The following NBAS variants were observed in gnomAD, a reference collection of about 807,000 sequenced individuals.
The protein encoded by NBAS is NBAS subunit of NRZ tethering complex.
Under a neutral mutation model 302.5 loss-of-function variants are expected in NBAS, and 219 were observed. The ratio of observed to expected loss-of-function variants is 0.72; its 90% CI spans 0.65 to 0.81. The LOEUF (loss-of-function observed/expected upper bound fraction) is 0.81. NBAS is among the 30% of genes least tolerant of loss of function. The pLI, the probability that NBAS is intolerant of heterozygous loss-of-function variation, is 0.00. For synonymous variants in NBAS, 1,118 were observed against 1,021.6 expected, an observed-to-expected ratio of 1.09 and a Z score of -1.80; for missense variants, 2,932 against 2,841.6, an observed-to-expected ratio of 1.03 and a Z score of -0.72.
At chr2:14,889,019 T>A in the NBAS span, among the ~76,000 whole-genome samples, 1 of 152,202 alleles carries the variant, frequency 6.6e-6, no homozygotes, top group Non-Finnish European at 1.5e-5. Context: ...TTTTTGACCT[T>A]TATTACTACT....
the NBAS span, among the ~76,000 whole-genome samples, chr2:14,822,759 A>C: frequency 6.6e-6 from 1 of 152,230 alleles, no homozygotes; most frequent in Non-Finnish European, 1.5e-5. Context: ...ACCTGTTATG[A>C]ATGTAAGATT....
At chr2:15,434,526 C>A (rs1338310230) in intron 21 of NBAS, among the ~76,000 whole-genome samples, 1 of 152,182 alleles carries the variant, frequency 6.6e-6, no homozygotes, top group Admixed American at 6.5e-5. Flanking sequence ...ATCAAAAAGT[C>A]TCCCAAATAA....
the NBAS span, among the ~76,000 whole-genome samples, chr2:14,883,800 T>A: frequency 1.3e-5 from 2 of 151,676 alleles, no homozygotes; most frequent in East Asian, 3.9e-4. Flanking sequence ...CAAAACCCCA[T>A]CTCTACAAAA....
At chr2:14,932,177 A>G in the NBAS span, among the ~76,000 whole-genome samples, 3 of 152,158 alleles carry the variant, frequency 2.0e-5, no homozygotes, top group Admixed American at 6.5e-5. Flanking sequence ...CCCTCATCCT[A>G]TTTTTATCCC....
chr2:15,125,040 C>G, the NBAS span, among the ~76,000 whole-genome samples: 2 of 152,142 alleles, frequency 1.3e-5, no homozygotes, highest in South Asian at 4.1e-4. Context: ...TGATAGATCT[C>G]CCAGCAGCTT....
At chr2:14,958,249 G>A in the NBAS span, among the ~76,000 whole-genome samples, 27 of 152,324 alleles carry the variant, frequency 1.8e-4, no homozygotes, top group Middle Eastern at 3.4e-3. Flanking sequence ...CAGGAGACCC[G>A]GGTCCTGGCC....
At chr2:15,381,882 T>C (rs929173199) in intron 29 of NBAS, among the ~76,000 whole-genome samples, 2 of 152,232 alleles carry the variant, frequency 1.3e-5, no homozygotes, top group African/African-American at 2.4e-5. Context: ...AAAATCGCCC[T>C]GAATTCAAAA....
chr2:15,013,878 A>G, the NBAS span, among the ~76,000 whole-genome samples: 36 of 152,098 alleles, frequency 2.4e-4, no homozygotes, highest in African/African-American at 8.2e-4. Flanking sequence ...CTATAGGAAA[A>G]TTGCTTCACC....
At chr2:15,051,797 T>C in the NBAS span, among the ~76,000 whole-genome samples, 11 of 152,344 alleles carry the variant, frequency 7.2e-5, no homozygotes, top group African/African-American at 2.6e-4. Flanking sequence ...GATTGATAGA[T>C]GGCAGGGACC....
At chr2:15,470,194 C>T (rs1679899102) in intron 16 of NBAS, among the ~76,000 whole-genome samples, 1 of 152,086 alleles carries the variant, frequency 6.6e-6, no homozygotes. Flanking sequence ...AAATCATCAA[C>T]ACAAAACATC....
intron 48 of NBAS, among the ~76,000 whole-genome samples, chr2:15,204,482 A>G (rs1308048849): frequency 6.6e-6 from 1 of 152,200 alleles, no homozygotes; most frequent in Admixed American, 6.5e-5. Context: ...AGGCTAGAAT[A>G]AACTCTGTGA....
chr2:14,781,200 G>A, the NBAS span, among the ~76,000 whole-genome samples: 1 of 152,190 alleles, frequency 6.6e-6, no homozygotes, highest in East Asian at 1.9e-4. Flanking sequence ...GGTATTCCAT[G>A]AGATTTCCAT....
the NBAS span, among the ~76,000 whole-genome samples, chr2:15,087,944 C>T: frequency 1.3e-5 from 2 of 152,108 alleles, no homozygotes; most frequent in African/African-American, 4.8e-5. Context: ...ACAAAACACG[C>T]GGAGAGTGAA....
chr2:14,884,372 G>A, the NBAS span, among the ~76,000 whole-genome samples: 2 of 152,116 alleles, frequency 1.3e-5, no homozygotes, highest in African/African-American at 4.8e-5. Context: ...GTAGAGAGAG[G>A]AGCTAATTCA....
At chr2:14,866,705 A>C in the NBAS span, among the ~76,000 whole-genome samples, 1 of 152,280 alleles carries the variant, frequency 6.6e-6, no homozygotes, top group South Asian at 2.1e-4. Context: ...TGTGGCTAAA[A>C]CTGACCACTG....
chr2:14,821,179 C>T, the NBAS span, among the ~76,000 whole-genome samples: 1 of 152,118 alleles, frequency 6.6e-6, no homozygotes, highest in Admixed American at 6.6e-5. Flanking sequence ...GCCCGCCTCG[C>T]CTCCCGAAGT....
At position 15,396,298 on chromosome 2, in the gene NBAS, A is replaced by G. The variant is rs1225753019; in HGVS notation, c.3134+115T>C. The G allele has an allele frequency of 3.7e-6, 3 of 805,312 alleles. No individual in the cohort carries two copies. In the African/African-American group the frequency reaches 5.3e-5, roughly 14 times the overall value. 49.9% of individuals were successfully genotyped at this position (805,312 alleles called of 1,614,324 possible). On this transcript the variant is annotated intron_variant, in intron 27 of 51. Coordinates refer to ENST00000281513, the MANE Select transcript of NBAS (RefSeq NM_015909.4). The stretch of plus-strand genomic sequence containing the variant: ...AGAAAATTCACTCCCAAGACAATCA[A>G]ACAAAAATGAGGTTAAAGTAGAAAC...
chr2:15,378,904 T>C (rs554261872), intron 30 of NBAS, among the ~76,000 whole-genome samples: 1 of 152,336 alleles, frequency 6.6e-6, no homozygotes, highest in South Asian at 2.1e-4. Context: ...AGGTGATACA[T>C]GTTTTATTCC....
At chr2:15,008,548 T>C in the NBAS span, among the ~76,000 whole-genome samples, 6 of 152,326 alleles carry the variant, frequency 3.9e-5, no homozygotes, top group South Asian at 4.1e-4. Context: ...CACTATCTAA[T>C]TGACATAAAT....
Sources: allele counts gnomAD v4.1 joint callset (sites outside exome capture counted in the v4.1 genomes callset), GRCh38; gene constraint gnomAD v4.1.1; transcripts MANE v1.5; gene names NCBI Gene and HGNC (gene_info 2026-07-23, HGNC 2026-07-21).